The following DAPP1 variants were observed in gnomAD, a reference collection of about 807,000 sequenced individuals.
DAPP1 encodes dual adapter for phosphotyrosine and 3-phosphotyrosine and 3-phosphoinositide.
A neutral mutation model predicts 41.5 loss-of-function variants in DAPP1; 20 were observed. The ratio of observed to expected loss-of-function variants is 0.48; its 90% CI spans 0.34 to 0.70. The LOEUF (loss-of-function observed/expected upper bound fraction) is 0.70, where lower values mean the gene tolerates loss of function less well. Among genes scored for constraint, DAPP1 ranks in the 30% least tolerant of loss-of-function variants. The pLI, the probability that DAPP1 is intolerant of heterozygous loss-of-function variation, is 0.01. For synonymous variants in DAPP1, 113 were observed against 116.2 expected (o/e 0.97, Z 0.18); for missense variants, 233 against 333.4 (o/e 0.70, Z 2.35).
At chr4:99,855,216 C>T (rs1490797641) in intron 4 of DAPP1, among the ~76,000 whole-genome samples, 1 of 152,152 alleles carries the variant, frequency 6.6e-6, no homozygotes, top group Non-Finnish European at 1.5e-5. Context: ...CCCACCCTTA[C>T]CCTTAATATA....
intron 3 of DAPP1, among the ~76,000 whole-genome samples, chr4:99,846,991 G>A (rs1217672694): frequency 6.6e-6 from 1 of 152,192 alleles, no homozygotes; most frequent in Non-Finnish European, 1.5e-5. Context: ...AGGGGAGAGA[G>A]GAACTCATTA....
At chr4:99,818,889 T>C (rs1198699505) in intron 1 of DAPP1, among the ~76,000 whole-genome samples, 1 of 152,202 alleles carries the variant, frequency 6.6e-6, no homozygotes, top group Non-Finnish European at 1.5e-5. Flanking sequence ...GATTTCAGTA[T>C]CTCTGGGGAT....
chr4:99,831,498 C>T (rs990058441), intron 1 of DAPP1, among the ~76,000 whole-genome samples: 8 of 152,194 alleles, frequency 5.3e-5, no homozygotes, highest in African/African-American at 1.7e-4. Context: ...TTTTAGCACT[C>T]CACTTTATTT....
chr4:99,868,417 G>A lies in DAPP1; in HGVS notation c.*232G>A, dbSNP rs971443210. The A allele has an allele frequency of 3.7e-5, 20 of 547,174 alleles. No individual in the cohort carries two copies. Among genetic ancestry groups the A allele is most frequent in the African/African-American group, 3.4e-4 (18 of 52,602 alleles). 33.9% of individuals were successfully genotyped at this position (547,174 alleles called of 1,614,324 possible). On this transcript the variant is annotated 3_prime_UTR_variant, in exon 9 of 9. Coordinates refer to ENST00000512369, the MANE Select transcript of DAPP1 (RefSeq NM_014395.3). ...GAAGCAATCACCATTCTGATAGAAAGTGCTTAAACCACCACTCTTAGGTCT... is the reference window on the plus strand; with the variant it reads ...GAAGCAATCACCATTCTGATAGAAAATGCTTAAACCACCACTCTTAGGTCT...
At chr4:99,859,272 ACTTAT>A (rs1724156966) in intron 4 of DAPP1, among the ~76,000 whole-genome samples, 1 of 152,006 alleles carries the variant, frequency 6.6e-6, no homozygotes, top group African/African-American at 2.4e-5. Flanking sequence ...GATGATCCAG[ACTTAT>A]CTTGTTCTTT....
chr4:99,829,421 A>C (rs1197525192), intron 1 of DAPP1, among the ~76,000 whole-genome samples: 3 of 151,602 alleles, frequency 2.0e-5, no homozygotes, highest in African/African-American at 7.3e-5. Context: ...TGGAGGTTGC[A>C]GTGAGCCGAG....
chr4:99,838,204 T>C (rs1433251454), intron 2 of DAPP1, among the ~76,000 whole-genome samples: 1 of 152,208 alleles, frequency 6.6e-6, no homozygotes, highest in Admixed American at 6.5e-5. Flanking sequence ...ATAAGCTTTT[T>C]ATAAATCAAT....
intron 4 of DAPP1, among the ~76,000 whole-genome samples, chr4:99,855,922 T>C (rs1724029732): frequency 6.6e-6 from 1 of 152,158 alleles, no homozygotes; most frequent in African/African-American, 2.4e-5. Context: ...GAACTTCTTG[T>C]TTGAAGCGAA....
intron 1 of DAPP1, among the ~76,000 whole-genome samples, chr4:99,822,337 A>T (rs1380706356): frequency 6.6e-6 from 1 of 152,168 alleles, no homozygotes; most frequent in African/African-American, 2.4e-5. Flanking sequence ...ACAATAAAGA[A>T]GGCATGGCTG....
chr4:99,832,045 C>A (rs1339709780), intron 1 of DAPP1, among the ~76,000 whole-genome samples: 1 of 150,368 alleles, frequency 6.7e-6, no homozygotes, highest in Non-Finnish European at 1.5e-5. Context: ...TGATTTCGAT[C>A]TTTCTTTTTA....
chr4:99,868,858 TA>T lies in DAPP1; in HGVS notation c.*676del, dbSNP rs1212734665. 6.6e-6 allele frequency: 1 copy of T among 152,106 alleles called. No homozygotes were observed. Among genetic ancestry groups the T allele is most frequent in the African/African-American group, 2.4e-5 (1 of 41,424 alleles). The allele number at this position is 152,106 out of a possible 1,614,324, so 9.4% of individuals were successfully genotyped here. Reference sequence around the variant, plus strand: ...GGGCAATTAGGTAGTATAATAAAGGTAAATGAAGGTACAATTTTTAAACCAT... The same window carrying T: ...GGGCAATTAGGTAGTATAATAAAGGTAATGAAGGTACAATTTTTAAACCAT... On this transcript the variant is annotated 3_prime_UTR_variant, in exon 9 of 9. Transcript: ENST00000512369.
intron 8 of DAPP1, among the ~76,000 whole-genome samples, chr4:99,867,098 A>AATT (rs1468457735): frequency 6.6e-6 from 1 of 151,984 alleles, no homozygotes; most frequent in Non-Finnish European, 1.5e-5. Context: ...TATTTTTCTT[A>AATT]ATTATTTTTT....
In DAPP1 at chr4:99,821,454, A is replaced by G. The variant is rs142811061; in HGVS notation, c.101+4440A>G. On this transcript the variant is annotated intron_variant, in intron 1 of 8. Transcript: ENST00000512369. ...CTGGTCAAAGGTATGTATTCTAGTA[A>G]TGGCAATTAGTAATTATTGGATGCT... Among the ~76,000 whole-genome samples, 1,161 of 152,352 alleles carry G rather than the reference A, an allele frequency of 7.6e-3. 6 individuals carry two copies. Among genetic ancestry groups the G allele is most frequent in the Middle Eastern group, 0.014 (4 of 294 alleles).
chr4:99,856,717 A>G (rs576397796), intron 4 of DAPP1, among the ~76,000 whole-genome samples: 2 of 152,284 alleles, frequency 1.3e-5, no homozygotes, highest in South Asian at 2.1e-4. Context: ...ATGTATGCTG[A>G]TGGATGACAC....
intron 3 of DAPP1, 62 bp from the exon 4 acceptor site, chr4:99,853,156 T>C (rs1213110048): frequency 3.2e-6 from 5 of 1,583,924 alleles, no homozygotes; most frequent in Non-Finnish European, 4.3e-6. Context: ...AGTTATCCAG[T>C]TAGCATTTGG....
At chr4:99,840,221 GATC>G in intron 2 of DAPP1, 65 bp from the exon 3 acceptor site, 3 of 1,131,668 alleles carry the variant, frequency 2.7e-6, no homozygotes, top group Non-Finnish European at 3.7e-6. Flanking sequence ...TAACATCTGA[GATC>G]ATATTTCCCT....
At chr4:99,833,456 A>C (rs1723189941) in intron 1 of DAPP1, among the ~76,000 whole-genome samples, 1 of 152,148 alleles carries the variant, frequency 6.6e-6, no homozygotes, top group South Asian at 2.1e-4. Context: ...CCTATGTAAA[A>C]ACTTCCTTCC....
At chr4:99,856,898 G>A (rs777920231) in intron 4 of DAPP1, among the ~76,000 whole-genome samples, 4 of 152,226 alleles carry the variant, frequency 2.6e-5, no homozygotes, top group Non-Finnish European at 5.9e-5. Context: ...GGAACCCTGA[G>A]CCTTGGGAAC....
At chr4:99,866,238 G>A in intron 8 of DAPP1, 117 bp downstream of exon 8, 2 of 640,076 alleles carry the variant, frequency 3.1e-6, no homozygotes, top group Non-Finnish European at 5.6e-6. Flanking sequence ...ATGTCTGGGT[G>A]TCTACTTCCA....
Sources: allele counts gnomAD v4.1 joint callset (sites outside exome capture counted in the v4.1 genomes callset), GRCh38; gene constraint gnomAD v4.1.1; transcripts MANE v1.5; gene names NCBI Gene and HGNC (gene_info 2026-07-23, HGNC 2026-07-21).